ARHGAP10: variants seen among roughly 807,000 people sequenced by gnomAD.
The protein encoded by ARHGAP10 is rho GTPase-activating protein 10.
In ARHGAP10, 87 loss-of-function variants were observed where a neutral mutation model predicts 108.6. That is an observed-to-expected ratio of 0.80 (90% CI 0.67 to 0.96). The LOEUF is 0.96. ARHGAP10 is among the 40% of genes least tolerant of loss of function. ARHGAP10 has a pLI of 0.00. For missense variants in ARHGAP10, 939 were observed against 954.5 expected (o/e 0.98, Z 0.21); for synonymous variants, 347 against 341.1 (o/e 1.02, Z -0.19).
At chr4:147,885,194 T>C (rs368870577) in intron 10 of ARHGAP10, among the ~76,000 whole-genome samples, 11 of 152,120 alleles carry the variant, frequency 7.2e-5, no homozygotes, top group Non-Finnish European at 1.3e-4. Flanking sequence ...GTCATTGTAT[T>C]AGTTCATTTT....
At chr4:147,750,111 T>C (rs1729081468) in intron 1 of ARHGAP10, among the ~76,000 whole-genome samples, 1 of 152,204 alleles carries the variant, frequency 6.6e-6, no homozygotes, top group Non-Finnish European at 1.5e-5. Flanking sequence ...ACCTTTGTAT[T>C]TTTTGACCTT....
At chr4:148,068,059 C>A (rs1454323992) in intron 22 of ARHGAP10, among the ~76,000 whole-genome samples, 2 of 151,618 alleles carry the variant, frequency 1.3e-5, no homozygotes, top group African/African-American at 4.9e-5. Flanking sequence ...GCCAGAGGGA[C>A]CTTTCCCTTT....
In ARHGAP10 at chr4:147,762,544, T is replaced by A. The variant is rs180720931; in HGVS notation, c.154+30089T>A. 8.6e-3 allele frequency among the ~76,000 whole-genome samples: 1,293 copies of A among 150,816 alleles called. 13 individuals are homozygous for A. Among genetic ancestry groups the A allele is most frequent in the African/African-American group, 0.028 (1,172 of 41,130 alleles). ...TTTTTATTTATTTATTTATTTATTT[T>A]TTTTGAGACGGAGTCTTGTTCTGTC... On this transcript the variant is annotated intron_variant, in intron 1 of 22. Coordinates refer to ENST00000336498, the MANE Select transcript of ARHGAP10 (RefSeq NM_024605.4).
intron 3 of ARHGAP10, among the ~76,000 whole-genome samples, chr4:147,846,479 G>C (rs1733630546): frequency 6.6e-6 from 1 of 151,950 alleles, no homozygotes; most frequent in African/African-American, 2.4e-5. Context: ...TCTTTTATTT[G>C]CATTTTCAGC....
chr4:147,742,842 C>T (rs543773945), intron 1 of ARHGAP10, among the ~76,000 whole-genome samples: 22 of 150,998 alleles, frequency 1.5e-4, no homozygotes, highest in Non-Finnish European at 2.7e-4. Flanking sequence ...ATATAGGCCT[C>T]TCATTTATAC....
chr4:147,871,753 T>A (rs565350762), intron 7 of ARHGAP10, among the ~76,000 whole-genome samples: 2 of 152,334 alleles, frequency 1.3e-5, no homozygotes, highest in Admixed American at 1.3e-4. Flanking sequence ...TTTTAGCCAT[T>A]CTATTGATTT....
At chr4:147,875,706 A>G (rs1735030412) in intron 8 of ARHGAP10, among the ~76,000 whole-genome samples, 1 of 152,246 alleles carries the variant, frequency 6.6e-6, no homozygotes, top group Admixed American at 6.5e-5. Context: ...CATCAGGAAG[A>G]TTGCAGATGG....
chr4:147,874,280 T>G (rs1313519025), intron 7 of ARHGAP10, among the ~76,000 whole-genome samples: 1 of 152,240 alleles, frequency 6.6e-6, no homozygotes, highest in African/African-American at 2.4e-5. Flanking sequence ...ATGAAAGAAG[T>G]GTCCAGGAAC....
intron 20 of ARHGAP10, among the ~76,000 whole-genome samples, chr4:148,051,741 G>A (rs191653988): frequency 3.6e-4 from 55 of 152,284 alleles, no homozygotes; most frequent in African/African-American, 1.2e-3. Context: ...TCAAGCTGTC[G>A]TTGTGCCACT....
chr4:148,037,833 CA>C (rs58928158), intron 19 of ARHGAP10, among the ~76,000 whole-genome samples: 20,379 of 109,740 alleles, frequency 0.19, 2,404 homozygotes, highest in African/African-American at 0.4. Flanking sequence ...GACTCCGTCT[CA>C]AAAAAAAAAA....
intron 19 of ARHGAP10, among the ~76,000 whole-genome samples, chr4:148,046,237 C>G (rs757658086): frequency 4.1e-4 from 62 of 152,228 alleles, no homozygotes; most frequent in Non-Finnish European, 7.5e-4. Context: ...ATAAAATGGT[C>G]CCCTGTGAAT....
chr4:148,060,246 A>AT (rs1729551826), intron 20 of ARHGAP10, among the ~76,000 whole-genome samples: 1 of 152,010 alleles, frequency 6.6e-6, no homozygotes, highest in African/African-American at 2.4e-5. Flanking sequence ...TAGGTATTAC[A>AT]TTTTAGATGA....
intron 19 of ARHGAP10, among the ~76,000 whole-genome samples, chr4:148,025,306 A>G (rs1301765877): frequency 4.0e-5 from 6 of 151,550 alleles, no homozygotes; most frequent in Admixed American, 3.3e-4. Flanking sequence ...GTTTTGTTCT[A>G]CATTTTGTAT....
At chr4:147,732,831 A>C (rs1728276650) in intron 1 of ARHGAP10, among the ~76,000 whole-genome samples, 1 of 152,120 alleles carries the variant, frequency 6.6e-6, no homozygotes, top group African/African-American at 2.4e-5. Context: ...ACAATCTCTT[A>C]CAAAACCGAG....
intron 10 of ARHGAP10, among the ~76,000 whole-genome samples, chr4:147,885,369 G>A (rs1479351623): frequency 6.6e-6 from 1 of 152,138 alleles, no homozygotes; most frequent in Non-Finnish European, 1.5e-5. Flanking sequence ...ACGTGTGCAG[G>A]GAACTGCCCT....
Position 147,732,139 on chromosome 4 carries a change from A to C in ARHGAP10, c.-163A>C. ...GGTGGCAGCTCCTCCGCGCCGCAGGACTCGGCTCTACGGGACATGTCCGTG... is the reference window on the plus strand; with the variant it reads ...GGTGGCAGCTCCTCCGCGCCGCAGGCCTCGGCTCTACGGGACATGTCCGTG... On this transcript the variant is annotated 5_prime_UTR_variant, in exon 1 of 23. Coordinates refer to ENST00000336498, the MANE Select transcript of ARHGAP10 (RefSeq NM_024605.4). 1 of 505,028 alleles carries C rather than the reference A, an allele frequency of 2.0e-6. No individual in the cohort carries two copies. The highest frequency in any genetic ancestry group is 3.0e-6 in the Non-Finnish European group (1 of 330,028). 31.3% of individuals were successfully genotyped at this position (505,028 alleles called of 1,614,324 possible).
chr4:147,923,621 A>G (rs1304579094), intron 13 of ARHGAP10, among the ~76,000 whole-genome samples: 1 of 152,240 alleles, frequency 6.6e-6, no homozygotes, highest in Non-Finnish European at 1.5e-5. Context: ...CTGTGAATTC[A>G]TGGGATAGAA....
chr4:147,968,078 T>C (rs973836980), intron 18 of ARHGAP10, among the ~76,000 whole-genome samples: 7 of 152,226 alleles, frequency 4.6e-5, no homozygotes, highest in African/African-American at 1.7e-4. Flanking sequence ...AGCTGGCCCA[T>C]GGCAGTTTGT....
chr4:147,923,204 T>C (rs1737319442), intron 13 of ARHGAP10, among the ~76,000 whole-genome samples: 1 of 152,224 alleles, frequency 6.6e-6, no homozygotes, highest in South Asian at 2.1e-4. Flanking sequence ...GAACTGTGGG[T>C]AATATATTAG....
Sources: gnomAD v4.1 joint callset for allele counts (sites outside exome capture counted in the v4.1 genomes callset) on GRCh38, gnomAD v4.1.1 for gene constraint, MANE v1.5 for transcripts, NCBI Gene and HGNC (gene_info 2026-07-23, HGNC 2026-07-21) for gene names.